The following CDC20B variants were observed in gnomAD, a reference collection of about 807,000 sequenced individuals.
CDC20B encodes cell division cycle 20B, also known as cell division cycle protein 20 homolog B.
In CDC20B, 58 loss-of-function variants were observed where a neutral mutation model predicts 64.1. The observed-to-expected ratio is 0.90, with a 90% confidence interval of 0.73 to 1.13. The LOEUF (loss-of-function observed/expected upper bound fraction) is 1.13. CDC20B is among the 50% of genes most tolerant of loss of function. CDC20B has a pLI of 0.00. For missense variants in CDC20B, 597 were observed against 633.0 expected (o/e 0.94, Z 0.61); for synonymous variants, 243 against 230.6 (o/e 1.05, Z -0.49).
chr5:55,148,793 A>G (rs2937583), intron 2 of CDC20B, among the ~76,000 whole-genome samples: 118,162 of 152,256 alleles, frequency 0.78, 46,548 homozygotes, highest in Admixed American at 0.87. Context: ...GTATGAAACC[A>G]TATGTACAGG....
chr5:55,164,278 T>C (rs946012523), intron 2 of CDC20B: 2 of 1,329,760 alleles, frequency 1.5e-6, no homozygotes, highest in African/African-American at 3.0e-5. Context: ...TGGTCTCATT[T>C]TAAACATTTT....
intron 2 of CDC20B, among the ~76,000 whole-genome samples, chr5:55,157,639 T>C (rs957408032): frequency 6.6e-6 from 1 of 152,236 alleles, no homozygotes; most frequent in Non-Finnish European, 1.5e-5. Context: ...TTATTTCTGG[T>C]GTAAAAACTG....
rs982666100 is a variant in CDC20B, at chr5:55,119,802, A to G, written c.1458T>C (p.Phe486=). The change falls in exon 11 of 12, where the codon TTT becomes TTC. Residue 486 remains phenylalanine, a splice_region_variant and synonymous_variant. Coordinates refer to ENST00000381375, the MANE Select transcript of CDC20B (RefSeq NM_001170402.1). ...CPTVSRSGGF[F]GHRGRVLHLS... is the part of the protein sequence containing the mutation. ...CATTTTACTCACCCATTTGCTTACC[A>G]AAAAACCCACCTGACCTGGACACAG... 6 of 1,610,034 alleles carry G rather than the reference A, an allele frequency of 3.7e-6. No individual in the cohort carries two copies. Among genetic ancestry groups the G allele is most frequent in the Non-Finnish European group, 4.2e-6 (5 of 1,176,548 alleles).
intron 2 of CDC20B, chr5:55,160,834 G>A (rs1744005713): frequency 2.9e-6 from 2 of 696,026 alleles, no homozygotes; most frequent in Non-Finnish European, 4.6e-6. Flanking sequence ...AGGCATCTAG[G>A]TTACAGTTTT....
In CDC20B at chr5:55,172,942, A is replaced by G; in HGVS notation, c.59T>C (p.Leu20Pro). 6.2e-7 allele frequency: 1 copy of G among 1,608,794 alleles called. No individual in the cohort carries two copies. The highest frequency in any genetic ancestry group is 8.5e-7 in the Non-Finnish European group (1 of 1,177,738). The change falls in exon 1 of 12, where the codon CTG becomes CCG. Residue 20 changes from leucine to proline, a missense_variant. Around this residue, in one of 3 missense-constraint regions of CDC20B, gnomAD observed 241 missense variants for 219.2 expected, o/e 1.10. Coordinates refer to ENST00000381375, the MANE Select transcript of CDC20B (RefSeq NM_001170402.1). Reference protein sequence around the residue: ...PRRVRTEEEMLWESIMRVLSK... With the variant: ...PRRVRTEEEMPWESIMRVLSK... Reference sequence around the variant, plus strand: ...GCAGAAAAGGGTGTTACTCACCCACAGCATCTCCTCTTCCGTGCGGACCCT... The same window carrying G: ...GCAGAAAAGGGTGTTACTCACCCACGGCATCTCCTCTTCCGTGCGGACCCT...
chr5:55,165,544 A>G (rs1184052809), intron 2 of CDC20B: 2 of 152,234 alleles, frequency 1.3e-5, no homozygotes, highest in East Asian at 3.8e-4. Context: ...ACCTCAGTAT[A>G]TAGTTCTGTA....
chr5:55,130,108 T>G (rs1440584366), intron 6 of CDC20B, among the ~76,000 whole-genome samples: 1 of 152,114 alleles, frequency 6.6e-6, no homozygotes, highest in Non-Finnish European at 1.5e-5. Context: ...TATGAAGCTT[T>G]AACAGATAAA....
At chr5:55,137,835 G>A (rs1235546925) in intron 5 of CDC20B, among the ~76,000 whole-genome samples, 2 of 152,184 alleles carry the variant, frequency 1.3e-5, no homozygotes, top group East Asian at 1.9e-4. Flanking sequence ...AGTGGATAAA[G>A]GATTAATAAC....
At chr5:55,142,611 G>A (rs1360541853) in intron 4 of CDC20B, among the ~76,000 whole-genome samples, 3 of 152,098 alleles carry the variant, frequency 2.0e-5, no homozygotes, top group Non-Finnish European at 4.4e-5. Flanking sequence ...TCAATAATCT[G>A]GCCCATGTTT....
intron 5 of CDC20B, among the ~76,000 whole-genome samples, chr5:55,138,732 T>TA (rs370900103): frequency 0.18 from 24,641 of 135,872 alleles, 2,297 homozygotes; most frequent in South Asian, 0.31. Flanking sequence ...CAGGATGCTG[T>TA]AAAAAAAAAA....
intron 2 of CDC20B, chr5:55,166,278 A>G (rs1351183823): frequency 6.6e-6 from 1 of 152,250 alleles, no homozygotes; most frequent in East Asian, 1.9e-4. Flanking sequence ...TCAACATGAT[A>G]CAGATGAACA....
chr5:55,130,063 C>A (rs1178371147), intron 6 of CDC20B, among the ~76,000 whole-genome samples: 1 of 152,076 alleles, frequency 6.6e-6, no homozygotes, highest in African/African-American at 2.4e-5. Flanking sequence ...AAGAAAAACA[C>A]ACATGAAATG....
chr5:55,120,642 C>T (rs769606134), intron 9 of CDC20B, 92 bp from the exon 10 acceptor site: 88 of 1,465,700 alleles, frequency 6.0e-5, no homozygotes, highest in East Asian at 2.8e-4. Flanking sequence ...CAAGTCCCCA[C>T]GTCTGCACCT....
intron 2 of CDC20B, among the ~76,000 whole-genome samples, chr5:55,163,416 T>A (rs1744197095): frequency 1.3e-5 from 2 of 152,040 alleles, no homozygotes; most frequent in South Asian, 4.2e-4. Context: ...CAAAACCCTA[T>A]CTCTACTCAA....
intron 6 of CDC20B, among the ~76,000 whole-genome samples, chr5:55,131,870 G>T (rs1039007581): frequency 1.3e-5 from 2 of 152,090 alleles, no homozygotes; most frequent in African/African-American, 4.8e-5. Context: ...TTCGAGACTA[G>T]CCTGGCCAAT....
chr5:55,171,607 AT>A (rs575375018), intron 2 of CDC20B, among the ~76,000 whole-genome samples: 15 of 149,038 alleles, frequency 1.0e-4, no homozygotes, highest in South Asian at 8.5e-4. Context: ...TGAATACTGA[AT>A]TTTTTTTTTT....
At chr5:55,167,986 T>G (rs1201329393) in intron 2 of CDC20B, among the ~76,000 whole-genome samples, 1 of 152,140 alleles carries the variant, frequency 6.6e-6, no homozygotes, top group Non-Finnish European at 1.5e-5. Context: ...GAGCCATGAT[T>G]GCACCACATT....
intron 2 of CDC20B, chr5:55,160,912 T>G (rs1744012208): frequency 1.4e-6 from 2 of 1,413,030 alleles, no homozygotes; most frequent in African/African-American, 2.9e-5. Flanking sequence ...CCCCCCAAAT[T>G]GTTTAGGATT....
chr5:55,143,944 A>T (rs1743401462), intron 3 of CDC20B, among the ~76,000 whole-genome samples: 1 of 151,598 alleles, frequency 6.6e-6, no homozygotes. Context: ...AAGATTAAAG[A>T]CCTGACTTCA....
Sources: gnomAD v4.1 joint callset for allele counts (sites outside exome capture counted in the v4.1 genomes callset) on GRCh38, gnomAD v4.1.1 for gene constraint, gnomAD v4.1.1 regional missense constraint, MANE v1.5 for transcripts, NCBI Gene and HGNC (gene_info 2026-07-23, HGNC 2026-07-21) for gene names.